Variants in PIK3CB observed in about 807,000 individuals in gnomAD.
PIK3CB encodes phosphatidylinositol-4,5-bisphosphate 3-kinase catalytic subunit beta, also known as phosphatidylinositol 4,5-bisphosphate 3-kinase catalytic subunit beta isoform.
In PIK3CB, 39 loss-of-function variants were observed where a neutral mutation model predicts 136.8. The ratio of observed to expected loss-of-function variants is 0.29; its 90% confidence interval spans 0.22 to 0.37. The LOEUF (loss-of-function observed/expected upper bound fraction) is 0.37. PIK3CB is among the 10% of genes least tolerant of loss of function. The probability of loss-of-function intolerance (pLI) is 1.00; values close to 1 mark genes in which losing one functional copy is unlikely to be tolerated. For missense variants in PIK3CB, 868 were observed against 1,275.4 expected (o/e 0.68, Z 4.87); for synonymous variants, 428 against 436.6 (o/e 0.98, Z 0.25).
At chr3:138,655,986 C>CT (rs2043185172) in intron 23 of PIK3CB, among the ~76,000 whole-genome samples, 156 bp downstream of exon 23, 1 of 152,186 alleles carries the variant, frequency 6.6e-6, no homozygotes, top group Non-Finnish European at 1.5e-5. Context: ...AAAATTCCTC[C>CT]TTTATGTACT....
chr3:138,684,501 G>C (rs954961012), intron 17 of PIK3CB, 124 bp downstream of exon 17: 1 of 591,672 alleles, frequency 1.7e-6, no homozygotes, highest in East Asian at 3.2e-5. Context: ...GAACTTTTAA[G>C]ATTTTCCTTC....
At chr3:138,750,197 A>G (rs1428327666) in intron 4 of PIK3CB, among the ~76,000 whole-genome samples, 1 of 152,150 alleles carries the variant, frequency 6.6e-6, no homozygotes, top group Admixed American at 6.5e-5. Context: ...GTTTTGACAC[A>G]TGTATACATT....
intron 19 of PIK3CB, among the ~76,000 whole-genome samples, chr3:138,669,910 A>G (rs1195197942): frequency 6.6e-6 from 1 of 152,208 alleles, no homozygotes; most frequent in Non-Finnish European, 1.5e-5. Flanking sequence ...GAGCACATAT[A>G]TTTATAGAAA....
At chr3:138,660,032 T>G (rs1197205961) in intron 21 of PIK3CB, among the ~76,000 whole-genome samples, 2 of 151,952 alleles carry the variant, frequency 1.3e-5, no homozygotes, top group Non-Finnish European at 2.9e-5. Flanking sequence ...CTCCCTGGAC[T>G]GAGTCTCTAT....
chr3:138,666,846 A>G (rs906813814), intron 19 of PIK3CB, among the ~76,000 whole-genome samples: 1 of 152,214 alleles, frequency 6.6e-6, no homozygotes, highest in Non-Finnish European at 1.5e-5. Flanking sequence ...GAGCAAATGT[A>G]CAATGTGCAT....
At chr3:138,757,478 AACACACACACAC>A (rs146470519) in intron 3 of PIK3CB, among the ~76,000 whole-genome samples, 40 of 136,432 alleles carry the variant, frequency 2.9e-4, no homozygotes, top group African/African-American at 7.0e-4. Flanking sequence ...GATACTATTA[AACACACACACAC>A]ACACACACAC....
chr3:138,785,171 G>A (rs1266332308), intron 2 of PIK3CB, among the ~76,000 whole-genome samples: 1 of 150,490 alleles, frequency 6.6e-6, no homozygotes, highest in Non-Finnish European at 1.5e-5. Flanking sequence ...CCGGTCAGCC[G>A]CCCCGTCCGG....
intron 2 of PIK3CB, among the ~76,000 whole-genome samples, chr3:138,794,068 T>TTC (rs2046082968): frequency 6.6e-6 from 1 of 152,142 alleles, no homozygotes; most frequent in South Asian, 2.1e-4. Context: ...GTTCAAGAGA[T>TTC]TCTTCTGCCT....
At chr3:138,723,361 G>A (rs899274458) in intron 8 of PIK3CB, among the ~76,000 whole-genome samples, 1 of 152,034 alleles carries the variant, frequency 6.6e-6, no homozygotes, top group East Asian at 1.9e-4. Context: ...GACCAGCCTG[G>A]GCAACATGGC....
intron 2 of PIK3CB, among the ~76,000 whole-genome samples, chr3:138,768,972 G>A (rs919147461): frequency 4.6e-5 from 7 of 152,162 alleles, no homozygotes; most frequent in African/African-American, 1.7e-4. Flanking sequence ...CACTGGCATG[G>A]GAGAGAAGGG....
At chr3:138,764,405 T>C (rs899417487) in intron 2 of PIK3CB, among the ~76,000 whole-genome samples, 1 of 151,944 alleles carries the variant, frequency 6.6e-6, no homozygotes. Context: ...GTGCTGTTAA[T>C]TGCACCACTG....
chr3:138,800,302 GA>G (rs1426084814), intron 1 of PIK3CB, among the ~76,000 whole-genome samples: 1 of 151,162 alleles, frequency 6.6e-6, no homozygotes, highest in East Asian at 1.9e-4. Context: ...CTGGAGAATA[GA>G]ACAGTCTTGA....
At chr3:138,810,874 C>G (rs777490738) in intron 1 of PIK3CB, among the ~76,000 whole-genome samples, 1 of 151,024 alleles carries the variant, frequency 6.6e-6, no homozygotes, top group South Asian at 2.1e-4. Flanking sequence ...GAGCCGAGAT[C>G]GTGCCACTGC....
intron 8 of PIK3CB, among the ~76,000 whole-genome samples, chr3:138,732,740 A>G (rs76436648): frequency 1.4e-5 from 2 of 140,584 alleles, no homozygotes; most frequent in Non-Finnish European, 3.1e-5. Flanking sequence ...AAAAAAAAAG[A>G]CTGAAAGAGG....
chr3:138,812,743 G>T (rs906022453), intron 1 of PIK3CB, among the ~76,000 whole-genome samples: 3 of 151,676 alleles, frequency 2.0e-5, no homozygotes, highest in African/African-American at 7.3e-5. Context: ...TGGCCGGGCT[G>T]GTCTCGAACT....
At chr3:138,832,367 A>G (rs913459808) in intron 1 of PIK3CB, among the ~76,000 whole-genome samples, 2 of 152,118 alleles carry the variant, frequency 1.3e-5, no homozygotes, top group African/African-American at 4.8e-5. Context: ...TTTTGGCTTT[A>G]GTGAATACAA....
intron 1 of PIK3CB, among the ~76,000 whole-genome samples, chr3:138,812,449 C>G (rs570451237): frequency 6.6e-6 from 1 of 151,646 alleles, no homozygotes; most frequent in Non-Finnish European, 1.5e-5. Flanking sequence ...ATTGGTCAAA[C>G]TGGTCTTGAA....
chr3:138,800,486 CT>C (rs879921427), intron 1 of PIK3CB, among the ~76,000 whole-genome samples: 174 of 143,830 alleles, frequency 1.2e-3, no homozygotes, highest in Middle Eastern at 3.6e-3. Context: ...CCACACCCGA[CT>C]TTTTTTTTTT....
intron 19 of PIK3CB, among the ~76,000 whole-genome samples, chr3:138,676,250 T>C (rs2108459682): frequency 6.6e-6 from 1 of 152,196 alleles, no homozygotes; most frequent in Admixed American, 6.5e-5. Context: ...AAAATGCAAA[T>C]TAAATCCACA....
Sources: allele counts gnomAD v4.1 joint callset (sites outside exome capture counted in the v4.1 genomes callset), GRCh38; gene constraint gnomAD v4.1.1; transcripts MANE v1.5; gene names NCBI Gene and HGNC (gene_info 2026-07-23, HGNC 2026-07-21).